The following GSG1L variants were observed in gnomAD, a reference collection of about 807,000 sequenced individuals.
The protein encoded by GSG1L is GSG1 like, also known as germ cell-specific gene 1-like protein.
Under a neutral mutation model 42.1 loss-of-function variants are expected in GSG1L, and 24 were observed. That is an observed-to-expected ratio of 0.57 (90% CI 0.41 to 0.80). The LOEUF (loss-of-function observed/expected upper bound fraction) is 0.80. GSG1L is among the 30% of genes least tolerant of loss of function. GSG1L has a pLI of 0.00. For missense variants in GSG1L, 445 were observed against 472.2 expected, an observed-to-expected ratio of 0.94 and a Z score of 0.53; for synonymous variants, 215 against 203.5, an observed-to-expected ratio of 1.06 and a Z score of -0.48.
rs889456927 is a variant in GSG1L, at chr16:28,059,516, G to A, written c.349+3560C>T. Among the ~76,000 whole-genome samples, 2 of 147,196 alleles carry A rather than the reference G, an allele frequency of 1.4e-5. No homozygotes were observed. The highest frequency in any genetic ancestry group is 5.1e-5 in the African/African-American group (2 of 39,332). On this transcript the variant is annotated intron_variant, in intron 1 of 6. Coordinates refer to ENST00000447459, the MANE Select transcript of GSG1L (RefSeq NM_001109763.2). The surrounding 1 kb of genome is among the most constrained non-coding windows in gnomAD (Gnocchi z 4.4). ...TCTTCCCAAGCCACCCCTTTCCTGCGGCTCAAAAGCATACAGGATGAAGTC... is the reference window on the plus strand; with the variant it reads ...TCTTCCCAAGCCACCCCTTTCCTGCAGCTCAAAAGCATACAGGATGAAGTC...
At chr16:27,847,239 C>T (rs2083454122) in intron 3 of GSG1L, among the ~76,000 whole-genome samples, 1 of 152,220 alleles carries the variant, frequency 6.6e-6, no homozygotes, top group South Asian at 2.1e-4. Context: ...TCTGGAATCT[C>T]CCAACTCCTG....
At chr16:27,810,979 C>T (rs557145519) in intron 5 of GSG1L, among the ~76,000 whole-genome samples, 7 of 152,166 alleles carry the variant, frequency 4.6e-5, no homozygotes, top group East Asian at 1.9e-4. Flanking sequence ...TGAACCACCA[C>T]GCCCGGCCCA....
In GSG1L at chr16:27,807,571, A is replaced by G; in HGVS notation, c.831-17T>C. ...TTCTCCATCCTGGAAAGAAAAAAAAACAAAAACAAAATCCTAGGTAGGAAA... is the reference window on the plus strand; with the variant it reads ...TTCTCCATCCTGGAAAGAAAAAAAAGCAAAAACAAAATCCTAGGTAGGAAA... On this transcript the variant is annotated splice_polypyrimidine_tract_variant and intron_variant, in intron 5 of 6. Transcript: ENST00000447459. The G allele has an allele frequency of 6.2e-7, 1 of 1,605,864 alleles. No homozygotes were observed. Among genetic ancestry groups the G allele is most frequent in the Non-Finnish European group, 8.5e-7 (1 of 1,178,032 alleles).
At chr16:28,043,365 C>T (rs1300530201) in intron 1 of GSG1L, among the ~76,000 whole-genome samples, 1 of 152,176 alleles carries the variant, frequency 6.6e-6, no homozygotes, top group Non-Finnish European at 1.5e-5. Context: ...GGATTTGAGG[C>T]TCGGAGTCCT....
At chr16:27,954,080 TCAGGAGGAAGTGTC>T (rs2084979950) in intron 2 of GSG1L, among the ~76,000 whole-genome samples, 1 of 152,018 alleles carries the variant, frequency 6.6e-6, no homozygotes, top group African/African-American at 2.4e-5. Context: ...CTGGGGGCAC[TCAGGAGGAAGTGTC>T]CAGGAGGCAG....
chr16:27,792,954 TGG>T (rs2082772150), intron 6 of GSG1L, among the ~76,000 whole-genome samples: 1 of 152,242 alleles, frequency 6.6e-6, no homozygotes, highest in Admixed American at 6.5e-5. Context: ...ATGATAGAGC[TGG>T]ATTGAATTAC....
intron 2 of GSG1L, among the ~76,000 whole-genome samples, chr16:27,921,038 C>T (rs2084518653): frequency 6.6e-6 from 1 of 152,124 alleles, no homozygotes; most frequent in Non-Finnish European, 1.5e-5. Flanking sequence ...AATTCTATTA[C>T]CCATCAATCC....
chr16:27,887,862 G>A (rs2084048156), intron 2 of GSG1L, among the ~76,000 whole-genome samples: 1 of 150,982 alleles, frequency 6.6e-6, no homozygotes, highest in South Asian at 2.1e-4. Flanking sequence ...TTGGATTGTT[G>A]TAAGAGAATA....
intron 3 of GSG1L, among the ~76,000 whole-genome samples, chr16:27,882,287 G>A (rs2083968078): frequency 6.6e-6 from 1 of 152,170 alleles, no homozygotes. Context: ...ATGTGGATCT[G>A]TGAGTCCATT....
chr16:27,892,110 T>C (rs376319758), intron 2 of GSG1L, among the ~76,000 whole-genome samples: 2 of 152,046 alleles, frequency 1.3e-5, no homozygotes, highest in South Asian at 2.1e-4. Flanking sequence ...GATGTTGATA[T>C]GCAGTCCAAT....
At chr16:28,029,950 G>A (rs1011275827) in intron 1 of GSG1L, among the ~76,000 whole-genome samples, 57 of 152,208 alleles carry the variant, frequency 3.7e-4, no homozygotes, top group African/African-American at 1.3e-3. Context: ...AGACATGACA[G>A]GCATGCCAGC....
At chr16:27,890,403 C>G (rs1268066292) in intron 2 of GSG1L, among the ~76,000 whole-genome samples, 1 of 152,166 alleles carries the variant, frequency 6.6e-6, no homozygotes, top group Non-Finnish European at 1.5e-5. Context: ...CCAGGGAACT[C>G]TGTATGCTGA....
chr16:27,995,242 A>G (rs1450978985), intron 1 of GSG1L, among the ~76,000 whole-genome samples: 2 of 152,242 alleles, frequency 1.3e-5, no homozygotes, highest in Non-Finnish European at 2.9e-5. Flanking sequence ...GCAGGCAGAC[A>G]TTCTCAGACA....
chr16:27,941,053 A>C (rs1370338967), intron 2 of GSG1L, among the ~76,000 whole-genome samples: 1 of 152,144 alleles, frequency 6.6e-6, no homozygotes, highest in Non-Finnish European at 1.5e-5. Context: ...TAAAACTCTT[A>C]GTAGAAAACA....
At chr16:27,807,578 C>G (rs1306061297) in intron 5 of GSG1L, 24 bp from the exon 6 acceptor site, 1 of 1,600,568 alleles carries the variant, frequency 6.2e-7, no homozygotes, top group Non-Finnish European at 8.5e-7. Context: ...AAAACAAAAA[C>G]AAAATCCTAG....
At chr16:27,882,500 A>C (rs1258759183) in intron 3 of GSG1L, among the ~76,000 whole-genome samples, 1 of 152,044 alleles carries the variant, frequency 6.6e-6, no homozygotes, top group Non-Finnish European at 1.5e-5. Flanking sequence ...TTCATCTCTC[A>C]ACATTCCTCC....
chr16:27,868,849 A>G (rs371109255), intron 3 of GSG1L, among the ~76,000 whole-genome samples: 40 of 152,216 alleles, frequency 2.6e-4, no homozygotes, highest in African/African-American at 9.4e-4. Context: ...CAATATCCCC[A>G]GCTCGCTCAC....
chr16:27,981,587 G>A (rs1220789054), intron 1 of GSG1L, among the ~76,000 whole-genome samples: 1 of 152,118 alleles, frequency 6.6e-6, no homozygotes, highest in African/African-American at 2.4e-5. Flanking sequence ...ATGATATTTT[G>A]ATTTATTTAT....
chr16:27,858,140 G>A (rs1322668189), intron 3 of GSG1L, among the ~76,000 whole-genome samples: 3 of 152,194 alleles, frequency 2.0e-5, no homozygotes, highest in East Asian at 1.9e-4. Context: ...CTGCGGCAAC[G>A]CTGGGACTCC....
Sources: allele counts gnomAD v4.1 joint callset (sites outside exome capture counted in the v4.1 genomes callset), GRCh38; gene constraint gnomAD v4.1.1; non-coding constraint Gnocchi (gnomAD v3.1); transcripts MANE v1.5; gene names NCBI Gene and HGNC (gene_info 2026-07-23, HGNC 2026-07-21).